The following SPIDR variants were observed in gnomAD, a reference collection of about 807,000 sequenced individuals.
The protein encoded by SPIDR is DNA repair-scaffolding protein.
Under a neutral mutation model 104.6 loss-of-function variants are expected in SPIDR, and 93 were observed. That is an observed-to-expected ratio of 0.89 (90% confidence interval 0.75 to 1.06). SPIDR has a LOEUF of 1.06. SPIDR is among the 50% of genes least tolerant of loss of function. The pLI is 0.00. For missense variants in SPIDR, 1,154 were observed against 1,111.2 expected, an observed-to-expected ratio of 1.04 and a Z score of -0.55; for synonymous variants, 431 against 416.9, an observed-to-expected ratio of 1.03 and a Z score of -0.41.
At chr8:47,484,180 T>C (rs2077234493) in intron 8 of SPIDR, among the ~76,000 whole-genome samples, 1 of 152,178 alleles carries the variant, frequency 6.6e-6, no homozygotes, top group Admixed American at 6.5e-5. Context: ...AAGTGCGGAA[T>C]GAGTGAAGGG....
intron 1 of SPIDR, among the ~76,000 whole-genome samples, chr8:47,262,148 G>A (rs1386951510): frequency 1.3e-5 from 2 of 152,094 alleles, no homozygotes; most frequent in Non-Finnish European, 2.9e-5. Context: ...CTATATAGAT[G>A]ACTTTCAGAT....
intron 10 of SPIDR, among the ~76,000 whole-genome samples, chr8:47,650,424 C>T (rs930661249): frequency 2.6e-5 from 4 of 151,936 alleles, no homozygotes; most frequent in Admixed American, 6.6e-5. Flanking sequence ...TAAAGAGAAC[C>T]GGAAAACACT....
chr8:47,323,878 A>G lies in SPIDR; in HGVS notation c.525+29848A>G, dbSNP rs576175556. Among the ~76,000 whole-genome samples the G allele has an allele frequency of 2.4e-3, 359 of 152,314 alleles. 1 individual carries two copies. The highest frequency in any genetic ancestry group is 8.4e-3 in the African/African-American group (348 of 41,574). On this transcript the variant is annotated intron_variant, in intron 5 of 19. Coordinates refer to ENST00000297423, the MANE Select transcript of SPIDR (RefSeq NM_001080394.4). ...ACGAAATGCTGTGTTTCTGGTGTCT[A>G]AGGCCTGATTGCATCTTGATTGGAA...
rs368803107 is a variant in SPIDR, at chr8:47,505,366, C to T, written c.1097+64824C>T. Among the ~76,000 whole-genome samples the T allele has an allele frequency of 2.3e-3, 357 of 152,310 alleles. 3 individuals are homozygous for T. Among genetic ancestry groups the T allele is most frequent in the South Asian group, 0.022 (104 of 4,832 alleles). On this transcript the variant is annotated intron_variant, in intron 8 of 19. Coordinates refer to ENST00000297423, the MANE Select transcript of SPIDR (RefSeq NM_001080394.4). ...GCCTCTCCCCAAGCCTCGCTGCCGCCTTGCAGCTTGATCTCAGACTGCTGT... is the reference window on the plus strand; with the variant it reads ...GCCTCTCCCCAAGCCTCGCTGCCGCTTTGCAGCTTGATCTCAGACTGCTGT...
intron 8 of SPIDR, among the ~76,000 whole-genome samples, chr8:47,479,943 T>C (rs527790388): frequency 4.6e-5 from 7 of 152,348 alleles, no homozygotes; most frequent in Admixed American, 4.6e-4. Context: ...TGCCTCATGA[T>C]GTTTTGAGCT....
At chr8:47,369,857 G>A (rs1262076119) in intron 5 of SPIDR, among the ~76,000 whole-genome samples, 1 of 152,010 alleles carries the variant, frequency 6.6e-6, no homozygotes, top group African/African-American at 2.4e-5. Flanking sequence ...TTCCCTTATA[G>A]TCCTATTAAA....
At chr8:47,356,514 A>G (rs1398126328) in intron 5 of SPIDR, among the ~76,000 whole-genome samples, 1 of 152,222 alleles carries the variant, frequency 6.6e-6, no homozygotes, top group Non-Finnish European at 1.5e-5. Context: ...TAGGAAAAAT[A>G]GTTAAAGAAA....
intron 7 of SPIDR, among the ~76,000 whole-genome samples, chr8:47,419,781 C>T (rs1348664436): frequency 6.6e-6 from 1 of 152,088 alleles, no homozygotes; most frequent in Non-Finnish European, 1.5e-5. Flanking sequence ...CCTCTACACA[C>T]TGCTTTGAAT....
chr8:47,270,182 C>G (rs1162531952), intron 1 of SPIDR, among the ~76,000 whole-genome samples: 2 of 152,072 alleles, frequency 1.3e-5, no homozygotes, highest in Non-Finnish European at 2.9e-5. Context: ...ATTTCCTCTT[C>G]TGTATTTTGG....
intron 8 of SPIDR, among the ~76,000 whole-genome samples, chr8:47,441,804 C>G (rs1441775845): frequency 6.6e-6 from 1 of 152,066 alleles, no homozygotes; most frequent in East Asian, 1.9e-4. Flanking sequence ...TTTTGACACT[C>G]CTGGAATTTA....
chr8:47,506,225 C>G (rs981094804), intron 8 of SPIDR, among the ~76,000 whole-genome samples: 2 of 152,188 alleles, frequency 1.3e-5, no homozygotes, highest in South Asian at 2.1e-4. Context: ...CTAGACAGTT[C>G]AGCACAAATG....
intron 8 of SPIDR, among the ~76,000 whole-genome samples, chr8:47,455,093 A>G (rs369627916): frequency 2.6e-5 from 4 of 152,136 alleles, no homozygotes; most frequent in Admixed American, 6.6e-5. Flanking sequence ...GTAAAAGCCA[A>G]TGTTACTGTG....
chr8:47,591,352 T>C (rs2060988796), intron 8 of SPIDR, among the ~76,000 whole-genome samples: 1 of 151,810 alleles, frequency 6.6e-6, no homozygotes, highest in Non-Finnish European at 1.5e-5. Context: ...CTTAGCACAG[T>C]CTACTGGGTC....
chr8:47,708,847 C>T (rs2081443303), intron 14 of SPIDR, among the ~76,000 whole-genome samples: 2 of 152,130 alleles, frequency 1.3e-5, no homozygotes, highest in South Asian at 2.1e-4. Context: ...CTAGATAGCT[C>T]GTTTCCTTTT....
chr8:47,621,693 G>C (rs762269147), intron 10 of SPIDR, among the ~76,000 whole-genome samples: 20 of 152,234 alleles, frequency 1.3e-4, no homozygotes, highest in Non-Finnish European at 2.8e-4. Context: ...TGAGTGCCTA[G>C]ACTACAGTCA....
chr8:47,369,516 C>T (rs1402559472), intron 5 of SPIDR, among the ~76,000 whole-genome samples: 1 of 152,144 alleles, frequency 6.6e-6, no homozygotes, highest in African/African-American at 2.4e-5. Flanking sequence ...TGGGTACTGC[C>T]CTCTTTGGCC....
chr8:47,451,493 A>G (rs2071715869), intron 8 of SPIDR, among the ~76,000 whole-genome samples: 2 of 152,000 alleles, frequency 1.3e-5, no homozygotes, highest in South Asian at 4.2e-4. Flanking sequence ...AGGCACAAGA[A>G]TGGTTTGAAC....
chr8:47,264,459 G>A (rs1473514151), intron 1 of SPIDR, among the ~76,000 whole-genome samples: 1 of 152,052 alleles, frequency 6.6e-6, no homozygotes, highest in Non-Finnish European at 1.5e-5. Flanking sequence ...GGGTATCTTA[G>A]TTCTTTCCTC....
At position 47,595,821 on chromosome 8, in the gene SPIDR, A is replaced by G. The variant is rs374187146; in HGVS notation, c.1108A>G (p.Ile370Val). 2.7e-5 allele frequency: 43 copies of G among 1,613,940 alleles called. No homozygotes were observed. The highest frequency in any genetic ancestry group is 3.5e-5 in the Non-Finnish European group (41 of 1,180,022). The stretch of plus-strand genomic sequence containing the variant: ...CTTTCTCTTTTCCAGGCAAAAACTG[A>G]TTATTCCAAGTGGAAGTTGCCCTGT... ...VRIFPPWQKL[I>V]IPSGSCPVIL... The change falls in exon 9 of 20, where the codon ATT becomes GTT. Residue 370 changes from isoleucine (I) to valine (V), a missense_variant. Coordinates refer to ENST00000297423, the MANE Select transcript of SPIDR (RefSeq NM_001080394.4).
Sources: gnomAD v4.1 joint callset for allele counts (sites outside exome capture counted in the v4.1 genomes callset) on GRCh38, gnomAD v4.1.1 for gene constraint, MANE v1.5 for transcripts, NCBI Gene and HGNC (gene_info 2026-07-23, HGNC 2026-07-21) for gene names.